HDHD2: variants seen among roughly 807,000 people sequenced by gnomAD.
HDHD2 encodes the protein haloacid dehalogenase like hydrolase domain containing 2.
In HDHD2, 26 loss-of-function variants were observed where a neutral mutation model predicts 24.8. The ratio of observed to expected loss-of-function variants is 1.05; its 90% confidence interval spans 0.77 to 1.45. The LOEUF is 1.45. Among genes scored for constraint, HDHD2 ranks in the 40% most tolerant of loss-of-function variants. The probability of loss-of-function intolerance (pLI) is 0.00; values close to 1 mark genes in which losing one functional copy is unlikely to be tolerated. For synonymous variants in HDHD2, 128 were observed against 114.9 expected (o/e 1.11, Z -0.73); for missense variants, 299 against 313.4 (o/e 0.95, Z 0.35).
chr18:47,111,924 T>A, intron 6 of HDHD2: 1 of 434,666 alleles, frequency 2.3e-6, no homozygotes, highest in Non-Finnish European at 3.1e-6. Context: ...AACAGCCAAT[T>A]AAATAGTTTT....
chr18:47,125,477 G>A (rs1266683785), intron 4 of HDHD2, among the ~76,000 whole-genome samples: 1 of 152,124 alleles, frequency 6.6e-6, no homozygotes, highest in Non-Finnish European at 1.5e-5. Context: ...AGCCCAAACT[G>A]GAAGCAACCC....
intron 4 of HDHD2, among the ~76,000 whole-genome samples, chr18:47,120,467 C>A (rs899790309): frequency 6.6e-6 from 1 of 152,170 alleles, no homozygotes; most frequent in Non-Finnish European, 1.5e-5. Flanking sequence ...AGAGTTAGGG[C>A]TTTGTCTTAA....
At chr18:47,146,641 C>T (rs925523276) in intron 1 of HDHD2, among the ~76,000 whole-genome samples, 9 of 152,136 alleles carry the variant, frequency 5.9e-5, no homozygotes, top group Admixed American at 2.6e-4. Context: ...TATATTTACA[C>T]ACAGAAAAAA....
intron 5 of HDHD2, 30 bp from the exon 6 acceptor site, chr18:47,113,070 C>T: frequency 6.3e-7 from 1 of 1,588,234 alleles, no homozygotes; most frequent in Non-Finnish European, 8.6e-7. Context: ...GCATTTAGTC[C>T]AGTGTCTTCA....
rs1027704422 is a variant in HDHD2, at chr18:47,110,954, A to G, written c.676+2023T>C. The stretch of plus-strand genomic sequence containing the variant: ...AAAATTGCTCGAGATGATCCACAGA[A>G]AGCACTTATTATTGAATATGAATTA... On this transcript the variant is annotated intron_variant, in intron 6 of 6. Coordinates refer to ENST00000300605, the MANE Select transcript of HDHD2 (RefSeq NM_032124.5). 1.1e-5 allele frequency: 11 copies of G among 985,108 alleles called. No homozygotes were observed. The African/African-American group carries it at 1.7e-4, about 16-fold the overall frequency. 61.0% of individuals were successfully genotyped at this position (985,108 alleles called of 1,614,324 possible).
chr18:47,147,023 A>G (rs1432007086), intron 1 of HDHD2, among the ~76,000 whole-genome samples: 1 of 152,220 alleles, frequency 6.6e-6, no homozygotes, highest in Non-Finnish European at 1.5e-5. Context: ...TATAGATGAT[A>G]TATTGCACAA....
chr18:47,139,242 A>G (rs957174540), intron 1 of HDHD2, among the ~76,000 whole-genome samples: 31 of 151,842 alleles, frequency 2.0e-4, no homozygotes, highest in Admixed American at 2.0e-3. Context: ...GTGGATCACG[A>G]GGTCAGGAGA....
intron 1 of HDHD2, among the ~76,000 whole-genome samples, chr18:47,146,635 T>TCCA: frequency 6.6e-6 from 1 of 152,178 alleles, no homozygotes; most frequent in African/African-American, 2.4e-5. Context: ...TTGTGGTATA[T>TCCA]TTACACACAG....
chr18:47,128,741 T>G (rs768892160), intron 4 of HDHD2, among the ~76,000 whole-genome samples: 4 of 152,210 alleles, frequency 2.6e-5, no homozygotes, highest in Non-Finnish European at 5.9e-5. Context: ...TAACCAAGAA[T>G]CTAAAATTAA....
chr18:47,119,705 G>T (rs930234597), intron 4 of HDHD2, among the ~76,000 whole-genome samples: 1 of 152,114 alleles, frequency 6.6e-6, no homozygotes, highest in African/African-American at 2.4e-5. Context: ...GTTCTTAATG[G>T]CATCTAGAAT....
rs1377131106 is a variant in HDHD2 at position 47,108,268 on chromosome 18, T to A, written c.*414A>T. Reference sequence around the variant, plus strand: ...ACTCAATATTAGAACTACAGCCTAATGCACCTTTTAATACATTACTTTATA... The same window carrying A: ...ACTCAATATTAGAACTACAGCCTAAAGCACCTTTTAATACATTACTTTATA... On this transcript the variant is annotated 3_prime_UTR_variant, in exon 7 of 7. Coordinates refer to ENST00000300605, the MANE Select transcript of HDHD2 (RefSeq NM_032124.5). The A allele has an allele frequency of 6.4e-6, 1 of 155,222 alleles. No homozygotes were observed. The highest frequency in any genetic ancestry group is 1.4e-5 in the Non-Finnish European group (1 of 69,938). 9.6% of individuals were successfully genotyped at this position (155,222 alleles called of 1,614,324 possible).
At chr18:47,113,306 C>G (rs768423160) in intron 5 of HDHD2, among the ~76,000 whole-genome samples, 18 of 152,196 alleles carry the variant, frequency 1.2e-4, no homozygotes, top group Non-Finnish European at 2.1e-4. Context: ...GTTACAATTA[C>G]AATTCTCTAT....
intron 4 of HDHD2, among the ~76,000 whole-genome samples, chr18:47,127,005 C>G (rs1394346760): frequency 1.3e-5 from 2 of 151,910 alleles, no homozygotes; most frequent in Non-Finnish European, 2.9e-5. Flanking sequence ...ACTAAAAATA[C>G]AAAAAATTAG....
intron 3 of HDHD2, among the ~76,000 whole-genome samples, chr18:47,132,362 T>G (rs891553231): frequency 3.9e-5 from 6 of 152,220 alleles, no homozygotes; most frequent in African/African-American, 1.4e-4. Context: ...ATATTTGGGT[T>G]GTTTCCAATC....
chr18:47,126,628 G>T (rs145300360), intron 4 of HDHD2, among the ~76,000 whole-genome samples: 38 of 152,228 alleles, frequency 2.5e-4, no homozygotes, highest in African/African-American at 9.1e-4. Context: ...CATGAAAGTT[G>T]TGATGCCATT....
rs1056810952 is a variant in HDHD2 at position 47,110,522 on chromosome 18, A to G, written c.677-1737T>C. ...CAGTGGTCTAAGAGACAAATAAATA[A>G]GCTTCCTAGCCATGGAGTTAAAGGC... is the stretch of plus-strand genomic sequence containing the variant. On this transcript the variant is annotated intron_variant, in intron 6 of 6. Coordinates refer to ENST00000300605, the MANE Select transcript of HDHD2 (RefSeq NM_032124.5). 7.1e-6 allele frequency: 7 copies of G among 985,202 alleles called. No homozygotes were observed. The Admixed American group carries it at 2.5e-4, about 35-fold the overall frequency. 61.0% of individuals were successfully genotyped at this position (985,202 alleles called of 1,614,324 possible). A position where few individuals can be genotyped will look rare whatever the true frequency, so the allele number is the denominator to read the frequency against.
Position 47,108,745 on chromosome 18 carries a change from AG to A in HDHD2, c.716del (p.Pro239LeufsTer4), listed in dbSNP as rs1568039989. 1.9e-6 allele frequency: 3 copies of A among 1,611,620 alleles called. No homozygotes were observed. The highest frequency in any genetic ancestry group is 2.5e-6 in the Non-Finnish European group (3 of 1,178,170). On this transcript the variant is annotated frameshift_variant, in exon 7 of 7. Coordinates refer to ENST00000300605, the MANE Select transcript of HDHD2 (RefSeq NM_032124.5). LOFTEE classifies it high-confidence loss of function. ...RASDEEKINP[P>X]PYLTCESFPH... ...GGAAACTCTCACAAGTTAAGTAAGG[AG>A]GTGGATTAATTTTTTCTTCATCTGA...
At chr18:47,132,517 T>C (rs894030508) in intron 3 of HDHD2, among the ~76,000 whole-genome samples, 1 of 152,230 alleles carries the variant, frequency 6.6e-6, no homozygotes, top group African/African-American at 2.4e-5. Flanking sequence ...TCCATAGGCT[T>C]TGTGTCATTT....
intron 4 of HDHD2, among the ~76,000 whole-genome samples, chr18:47,127,845 A>C (rs2063674748): frequency 6.6e-6 from 1 of 152,206 alleles, no homozygotes; most frequent in African/African-American, 2.4e-5. Context: ...ATGCAGCATA[A>C]TGTGAAGTTT....
Sources: gnomAD v4.1 joint callset for allele counts (sites outside exome capture counted in the v4.1 genomes callset) on GRCh38, gnomAD v4.1.1 for gene constraint, MANE v1.5 for transcripts, NCBI Gene and HGNC (gene_info 2026-07-23, HGNC 2026-07-21) for gene names.